Variants in TBX5 observed in about 807,000 individuals in gnomAD.
The protein encoded by TBX5 is T-box transcription factor 5.
TBX5 carries 8 observed loss-of-function variants against 51.1 expected under a neutral mutation model. That is an observed-to-expected ratio of 0.16 (90% CI 0.09 to 0.28). The LOEUF (loss-of-function observed/expected upper bound fraction) is 0.28. Among genes scored for constraint, TBX5 ranks in the 10% least tolerant of loss-of-function variants. The pLI is 1.00. For synonymous variants in TBX5, 302 were observed against 266.4 expected (o/e 1.13, Z -1.30); for missense variants, 589 against 671.7 (o/e 0.88, Z 1.36).
chr12:114,375,387 T>C (rs1278922041), intron 7 of TBX5, among the ~76,000 whole-genome samples: 1 of 152,184 alleles, frequency 6.6e-6, no homozygotes, highest in Non-Finnish European at 1.5e-5. Context: ...GTAATTGTGA[T>C]GTCTACCAAA....
rs1872204265 is a variant in TBX5, at chr12:114,406,122, TGCC to T, written c.-536_-534del. 1.3e-5 allele frequency: 10 copies of T among 752,546 alleles called. No individual in the cohort carries two copies. Among genetic ancestry groups the T allele is most frequent in the Middle Eastern group, 6.8e-4 (1 of 1,464 alleles). The allele number at this position is 752,546 out of a possible 1,614,324, so 46.6% of individuals were successfully genotyped here. A position where few individuals can be genotyped will look rare whatever the true frequency, so the allele number is the denominator to read the frequency against. ...TCAGCTGAGCACAGTGACGTTGGGT[TGCC>T]TCGATGCTCACAAAGTACTGAAATC... On this transcript the variant is annotated 5_prime_UTR_variant, in exon 1 of 9. Coordinates refer to ENST00000405440, the MANE Select transcript of TBX5 (RefSeq NM_181486.4).
chr12:114,380,851 A>T (rs929607896), intron 7 of TBX5, among the ~76,000 whole-genome samples: 2 of 24,058 alleles, frequency 8.3e-5, no homozygotes, highest in East Asian at 4.6e-4. Context: ...AGTTTTTATT[A>T]AAAAAAAAAC....
chr12:114,407,916 C>T (rs1268717865), upstream of TBX5: 7 of 985,484 alleles, frequency 7.1e-6, no homozygotes, highest in Non-Finnish European at 8.4e-6. Flanking sequence ...CCAAAAGAGA[C>T]CTCTTTAGGC....
intron 8 of TBX5, among the ~76,000 whole-genome samples, chr12:114,362,481 C>A (rs1869294845): frequency 6.6e-6 from 1 of 152,040 alleles, no homozygotes; most frequent in African/African-American, 2.4e-5. Context: ...AGCCAAGGGG[C>A]TTCATGCATG....
At chr12:114,387,469 C>T (rs574599518) in intron 6 of TBX5, among the ~76,000 whole-genome samples, 9 of 152,190 alleles carry the variant, frequency 5.9e-5, no homozygotes, top group South Asian at 4.2e-4. Flanking sequence ...AGCAAAACTA[C>T]GGAGTCAGTT....
At chr12:114,364,923 A>G (rs1431909435) in intron 8 of TBX5, among the ~76,000 whole-genome samples, 1 of 152,032 alleles carries the variant, frequency 6.6e-6, no homozygotes, top group Non-Finnish European at 1.5e-5. Flanking sequence ...CCACCATACC[A>G]TCTACAGCTC....
intron 3 of TBX5, 103 bp from the exon 4 acceptor site, chr12:114,399,735 G>T (rs535284360): frequency 2.5e-6 from 4 of 1,575,596 alleles, no homozygotes; most frequent in South Asian, 1.1e-5. Flanking sequence ...CTGGAGAAAC[G>T]TGGAAGCGGA....
chr12:114,377,831 G>C lies in TBX5; in HGVS notation c.755+7645C>G, dbSNP rs979613378. ...CAGAAGCCCTACCCTACAGGAACAA[G>C]GTAGAGAGGGTAAAAATAAGCACCC... is the stretch of plus-strand genomic sequence containing the variant. On this transcript the variant is annotated intron_variant, in intron 7 of 8. Transcript: ENST00000405440. Among the ~76,000 whole-genome samples the C allele has an allele frequency of 2.6e-5, 4 of 152,090 alleles. 1 individual carries two copies. The highest frequency in any genetic ancestry group is 5.9e-5 in the Non-Finnish European group (4 of 68,026).
At chr12:114,378,983 A>G (rs1289561690) in intron 7 of TBX5, among the ~76,000 whole-genome samples, 5 of 152,162 alleles carry the variant, frequency 3.3e-5, no homozygotes, top group Non-Finnish European at 7.3e-5. Flanking sequence ...TCCGTGAGAA[A>G]GTCTGAACAC....
upstream of TBX5, among the ~76,000 whole-genome samples, chr12:114,407,294 G>T (rs540536690): frequency 3.3e-5 from 5 of 152,292 alleles, no homozygotes; most frequent in South Asian, 1.0e-3. Context: ...TTGCCCAGGC[G>T]ATGTATTTAT....
At position 114,355,770 on chromosome 12, in the gene TBX5, G is replaced by A. The variant is rs770685602; in HGVS notation, c.1319C>T (p.Ala440Val). The change falls in exon 9 of 9, where the codon GCT becomes GTT. Residue 440 changes from alanine to valine, a missense_variant. Physicochemically the swap from Ala to Val is moderately conservative, Grantham distance 64. Around this residue, in one of 7 missense-constraint regions of TBX5, gnomAD observed 348 missense variants for 360.4 expected, o/e 0.97. Coordinates refer to ENST00000405440, the MANE Select transcript of TBX5 (RefSeq NM_181486.4). The part of the protein sequence containing the change: ...FTSGPLVPRL[A>V]GMANHGSPQL... ...TGGGGAGCCATGGTTGGCCATGCCA[G>A]CCAGCCGAGGGACCAGGGGCCCCGA... 5.6e-6 allele frequency: 9 copies of A among 1,613,966 alleles called. 1 individual carries two copies. The highest frequency in any genetic ancestry group is 7.6e-6 in the Non-Finnish European group (9 of 1,180,006).
intron 8 of TBX5, among the ~76,000 whole-genome samples, chr12:114,356,467 C>T (rs1000870099): frequency 2.0e-5 from 3 of 152,130 alleles, no homozygotes; most frequent in African/African-American, 7.2e-5. Context: ...CAGTTGTGCA[C>T]GCCTATAGTT....
In TBX5 at chr12:114,399,629, C is replaced by A. The variant is rs941817547; in HGVS notation, c.246G>T (p.Arg82=). Residue 82 remains arginine (R), a synonymous_variant, in exon 4 of 9, where the codon CGG becomes CGT. Coordinates refer to ENST00000405440, the MANE Select transcript of TBX5 (RefSeq NM_181486.4). The part of the protein sequence containing the change: ...TEMIITKAGR[R]MFPSYKVKVT... Reference sequence around the variant, plus strand: ...CCTTCACTTTGTAACTGGGAAACATCCGCCTAAGAGAGAGGGACGGAGGGA... The same window carrying A: ...CCTTCACTTTGTAACTGGGAAACATACGCCTAAGAGAGAGGGACGGAGGGA... 2 of 1,614,112 alleles carry A rather than the reference C, an allele frequency of 1.2e-6. No homozygotes were observed. The highest frequency in any genetic ancestry group is 1.7e-6 in the Non-Finnish European group (2 of 1,180,034).
rs114389588 is a variant in TBX5 at position 114,394,707 on chromosome 12, G to A, written c.663+34C>T. ...ATTCATGCAAAAGAAAGAGCAGACG[G>A]CCCCAGGCACTGGTTCCTGGGCTTC... On this transcript the variant is annotated intron_variant, in intron 6 of 8. Transcript: ENST00000405440. The A allele has an allele frequency of 9.2e-4, 1,486 of 1,613,448 alleles. 11 individuals are homozygous for A. In the African/African-American group the frequency reaches 0.016, roughly 17 times the overall value.
chr12:114,401,946 C>T (rs768127020), intron 2 of TBX5, 26 bp from the exon 3 acceptor site: 2 of 1,604,202 alleles, frequency 1.2e-6, no homozygotes, highest in East Asian at 2.2e-5. Flanking sequence ...AAAAGTCACA[C>T]TAACAAGCCC....
At chr12:114,385,811 G>T (rs1870782423) in intron 6 of TBX5, among the ~76,000 whole-genome samples, 1 of 150,042 alleles carries the variant, frequency 6.7e-6, no homozygotes, top group Non-Finnish European at 1.5e-5. Context: ...ATTAATTGGA[G>T]TCATACTCTG....
chr12:114,386,639 A>G (rs1307744126), intron 6 of TBX5, among the ~76,000 whole-genome samples: 2 of 152,236 alleles, frequency 1.3e-5, no homozygotes, highest in East Asian at 3.8e-4. Context: ...GCTACTCAAT[A>G]AGAAGAAAAT....
Position 114,355,574 on chromosome 12 carries a change from C to A in TBX5, c.1515G>T (p.Val505=). 6.2e-7 allele frequency: 1 copy of A among 1,614,200 alleles called. No individual in the cohort carries two copies. The highest frequency in any genetic ancestry group is 1.3e-5 in the African/African-American group (1 of 75,050). Residue 505 remains valine (V), a synonymous_variant, in exon 9 of 9, where the codon GTG becomes GTT. Coordinates refer to ENST00000405440, the MANE Select transcript of TBX5 (RefSeq NM_181486.4). ...ACTCTGGCACCATGCCAACTCCGTG[C>A]ACAGAGTGGTACTGATGAGGGGATA... ...RTLSPHQYHS[V]HGVGMVPEWS... is the part of the protein sequence containing the mutation.
At chr12:114,405,031 C>A (rs746810876) in intron 1 of TBX5, among the ~76,000 whole-genome samples, 1 of 152,218 alleles carries the variant, frequency 6.6e-6, no homozygotes, top group Non-Finnish European at 1.5e-5. Flanking sequence ...CTCTTCTATA[C>A]GCAAGTAGGA....
Sources: gnomAD v4.1 joint callset for allele counts (sites outside exome capture counted in the v4.1 genomes callset) on GRCh38, gnomAD v4.1.1 for gene constraint, gnomAD v4.1.1 regional missense constraint, MANE v1.5 for transcripts, NCBI Gene and HGNC (gene_info 2026-07-23, HGNC 2026-07-21) for gene names.